The following GSG1L variants were observed in gnomAD, a reference collection of about 807,000 sequenced individuals.
The protein encoded by GSG1L is germ cell-specific gene 1-like protein.
Under a neutral mutation model 42.1 loss-of-function variants are expected in GSG1L, and 24 were observed. The ratio of observed to expected loss-of-function variants is 0.57; its 90% CI spans 0.41 to 0.80. GSG1L has a LOEUF of 0.80. GSG1L is among the 30% of genes least tolerant of loss of function. The probability of loss-of-function intolerance (pLI) is 0.00; values close to 1 mark genes in which losing one functional copy is unlikely to be tolerated. For missense variants in GSG1L, 445 were observed against 472.2 expected (o/e 0.94, Z 0.53); for synonymous variants, 215 against 203.5 (o/e 1.06, Z -0.48).
At chr16:27,902,046 A>C (rs1236722701) in intron 2 of GSG1L, among the ~76,000 whole-genome samples, 2 of 151,930 alleles carry the variant, frequency 1.3e-5, no homozygotes, top group Non-Finnish European at 2.9e-5. Context: ...CCTTCCCCCT[A>C]TTGTACTATC....
At chr16:27,986,983 A>C (rs2085392234) in intron 1 of GSG1L, among the ~76,000 whole-genome samples, 1 of 152,132 alleles carries the variant, frequency 6.6e-6, no homozygotes, top group African/African-American at 2.4e-5. Context: ...TTGGGAGGCC[A>C]AGGCGGGCAG....
At chr16:27,962,338 A>C (rs1456774977) in intron 2 of GSG1L, among the ~76,000 whole-genome samples, 1 of 152,174 alleles carries the variant, frequency 6.6e-6, no homozygotes, top group Non-Finnish European at 1.5e-5. Context: ...ACTTCTGGGA[A>C]CCTTAGAGTT....
chr16:28,001,563 G>C (rs758903541), intron 1 of GSG1L, among the ~76,000 whole-genome samples: 3 of 152,210 alleles, frequency 2.0e-5, no homozygotes, highest in African/African-American at 7.2e-5. Flanking sequence ...ACCCACACGT[G>C]AAATCGTCTC....
intron 2 of GSG1L, among the ~76,000 whole-genome samples, chr16:27,922,000 CT>C (rs5816454): frequency 0.31 from 41,247 of 133,342 alleles, 5,791 homozygotes; most frequent in East Asian, 0.41. Context: ...TGTTTGTTGT[CT>C]TTTTTTTTTT....
chr16:27,808,096 C>T (rs186391092), intron 5 of GSG1L, among the ~76,000 whole-genome samples: 83 of 151,768 alleles, frequency 5.5e-4, no homozygotes, highest in African/African-American at 2.0e-3. Flanking sequence ...CCCCTCCGCC[C>T]ACCCCAGAGA....
chr16:27,937,076 T>C (rs60612968), intron 2 of GSG1L, among the ~76,000 whole-genome samples: 67,807 of 152,014 alleles, frequency 0.45, 15,302 homozygotes, highest in Middle Eastern at 0.57. Flanking sequence ...CACTCTGACC[T>C]GCTGCCTGGA....
chr16:27,796,997 T>C (rs2082824789), intron 6 of GSG1L, among the ~76,000 whole-genome samples: 1 of 152,210 alleles, frequency 6.6e-6, no homozygotes, highest in African/African-American at 2.4e-5. Flanking sequence ...CCACTCCTGC[T>C]GTGTGCCAGG....
At chr16:27,896,613 G>C (rs1341643962) in intron 2 of GSG1L, among the ~76,000 whole-genome samples, 1 of 152,166 alleles carries the variant, frequency 6.6e-6, no homozygotes, top group East Asian at 1.9e-4. Flanking sequence ...AGAAAAAAAA[G>C]ATTTTGAGAT....
chr16:27,867,631 G>A (rs1195870742), intron 3 of GSG1L, among the ~76,000 whole-genome samples: 3 of 152,232 alleles, frequency 2.0e-5, no homozygotes, highest in African/African-American at 7.2e-5. Flanking sequence ...CAGGGCTTTG[G>A]CCTCGGTTTC....
At chr16:27,814,943 TTC>T (rs1249747001) in intron 5 of GSG1L, among the ~76,000 whole-genome samples, 4 of 152,102 alleles carry the variant, frequency 2.6e-5, no homozygotes, top group Non-Finnish European at 5.9e-5. Flanking sequence ...CTTTTTTTTT[TTC>T]TTTTGACAGG....
intron 3 of GSG1L, among the ~76,000 whole-genome samples, chr16:27,847,033 A>G (rs2083452648): frequency 6.6e-6 from 1 of 151,900 alleles, no homozygotes; most frequent in Non-Finnish European, 1.5e-5. Context: ...AGGTCCACCC[A>G]CAGCATCTGT....
chr16:27,807,636 T>G, intron 5 of GSG1L, 82 bp from the exon 6 acceptor site: 1 of 1,151,842 alleles, frequency 8.7e-7, no homozygotes, highest in Non-Finnish European at 1.3e-6. Flanking sequence ...CCTGAAAAAG[T>G]GCAATCTTCC....
intron 6 of GSG1L, among the ~76,000 whole-genome samples, chr16:27,794,921 T>C (rs575670508): frequency 2.0e-4 from 30 of 152,038 alleles, no homozygotes; most frequent in Non-Finnish European, 3.8e-4. Context: ...AAGCATTCCA[T>C]AGCCCTGTAG....
intron 1 of GSG1L, among the ~76,000 whole-genome samples, chr16:27,975,082 T>C (rs2085236000): frequency 6.6e-6 from 1 of 152,062 alleles, no homozygotes; most frequent in Non-Finnish European, 1.5e-5. Context: ...GGGCCGGGAC[T>C]TGAGAATCGG....
intron 6 of GSG1L, among the ~76,000 whole-genome samples, chr16:27,807,046 A>G (rs2082972006): frequency 6.6e-6 from 1 of 152,216 alleles, no homozygotes; most frequent in African/African-American, 2.4e-5. Flanking sequence ...AGTGCCCTAG[A>G]TTCTGCCTCA....
intron 2 of GSG1L, among the ~76,000 whole-genome samples, chr16:27,892,617 C>T (rs1330031404): frequency 6.6e-6 from 1 of 151,726 alleles, no homozygotes; most frequent in Non-Finnish European, 1.5e-5. Context: ...TACAGAAACC[C>T]CGTCTCTACT....
At chr16:27,807,444 C>T (rs771812987) in intron 6 of GSG1L, 43 bp downstream of exon 6, 4 of 1,530,324 alleles carry the variant, frequency 2.6e-6, no homozygotes, top group African/African-American at 2.7e-5. Context: ...CTCTGGCAGC[C>T]CATGAATCTG....
chr16:28,034,392 T>A (rs1042708686), intron 1 of GSG1L, among the ~76,000 whole-genome samples: 7 of 152,102 alleles, frequency 4.6e-5, no homozygotes, highest in African/African-American at 1.7e-4. Context: ...AGCGACAAAA[T>A]CCAGCTCAAA....
intron 2 of GSG1L, among the ~76,000 whole-genome samples, chr16:27,936,023 T>C (rs1315770499): frequency 1.3e-5 from 2 of 150,952 alleles, no homozygotes; most frequent in African/African-American, 4.9e-5. Context: ...GACCCCTTCA[T>C]CCCAGGACCC....
Sources: allele counts gnomAD v4.1 joint callset (sites outside exome capture counted in the v4.1 genomes callset), GRCh38; gene constraint gnomAD v4.1.1; transcripts MANE v1.5; gene names NCBI Gene and HGNC (gene_info 2026-07-23, HGNC 2026-07-21).